CCDC171: variants seen among roughly 807,000 people sequenced by gnomAD.
CCDC171 encodes the protein coiled-coil domain containing 171, also known as coiled-coil domain-containing protein 171.
A neutral mutation model predicts 168.2 loss-of-function variants in CCDC171; 177 were observed. The ratio of observed to expected loss-of-function variants is 1.05; its 90% CI spans 0.93 to 1.19. The LOEUF (loss-of-function observed/expected upper bound fraction) is 1.19, where lower values mean the gene tolerates loss of function less well. Among genes scored for constraint, CCDC171 ranks in the 50% most tolerant of loss-of-function variants. CCDC171 has a pLI of 0.00. For synonymous variants in CCDC171, 687 were observed against 540.8 expected (o/e 1.27, Z -3.75); for missense variants, 1,991 against 1,539.0 (o/e 1.29, Z -4.91).
chr9:16,045,026 T>C (rs866798501), intron 1 of CCDC171, among the ~76,000 whole-genome samples: 2 of 152,216 alleles, frequency 1.3e-5, no homozygotes, highest in South Asian at 2.1e-4. Flanking sequence ...CTTATATTCA[T>C]TGGGACTTGT....
intron 25 of CCDC171, chr9:15,922,145 C>T (rs1421580125): frequency 5.1e-6 from 2 of 394,230 alleles, no homozygotes; most frequent in South Asian, 3.9e-5. Context: ...AGAGATGGTT[C>T]ACCCTGTAGT....
intron 18 of CCDC171, among the ~76,000 whole-genome samples, chr9:15,759,297 A>G (rs2056316485): frequency 6.6e-6 from 1 of 152,184 alleles, no homozygotes; most frequent in Non-Finnish European, 1.5e-5. Flanking sequence ...GAGCAGGTTG[A>G]TAGTATGATG....
chr9:15,842,825 A>T (rs1213134615), intron 21 of CCDC171, among the ~76,000 whole-genome samples: 1 of 151,920 alleles, frequency 6.6e-6, no homozygotes, highest in Non-Finnish European at 1.5e-5. Flanking sequence ...TAAACGTTTG[A>T]AGCTTTAGAA....
At chr9:15,862,013 T>A (rs1307978262) in intron 23 of CCDC171, among the ~76,000 whole-genome samples, 3 of 151,684 alleles carry the variant, frequency 2.0e-5, no homozygotes, top group Non-Finnish European at 2.9e-5. Flanking sequence ...TATAGTGTTC[T>A]TAGATAGCAT....
At chr9:15,579,068 A>T (rs1390323514) in intron 4 of CCDC171, 45 bp downstream of exon 4, 2 of 1,471,906 alleles carry the variant, frequency 1.4e-6, no homozygotes, top group African/African-American at 1.4e-5. Context: ...TTGTAACCTG[A>T]TTGTATATCA....
chr9:15,860,717 C>A (rs912974449), intron 23 of CCDC171, among the ~76,000 whole-genome samples: 1 of 151,964 alleles, frequency 6.6e-6, no homozygotes, highest in South Asian at 2.1e-4. Flanking sequence ...GAGAACAATG[C>A]GTGTTCTGCT....
intron 24 of CCDC171, among the ~76,000 whole-genome samples, chr9:15,894,838 C>G (rs1358207310): frequency 4.6e-5 from 7 of 152,026 alleles, no homozygotes; most frequent in Non-Finnish European, 7.4e-5. Context: ...TTTTATAGCC[C>G]TGACGTAATA....
chr9:15,809,496 G>A (rs2059234621), intron 21 of CCDC171, among the ~76,000 whole-genome samples: 1 of 152,126 alleles, frequency 6.6e-6, no homozygotes, highest in Admixed American at 6.5e-5. Context: ...TCCTTCTGAT[G>A]TTTGGACGTG....
chr9:15,640,642 A>G (rs974655023), intron 7 of CCDC171, among the ~76,000 whole-genome samples: 1 of 152,148 alleles, frequency 6.6e-6, no homozygotes, highest in African/African-American at 2.4e-5. Flanking sequence ...TTAAAAAGCC[A>G]ACATTGAAGG....
intron 11 of CCDC171, among the ~76,000 whole-genome samples, chr9:15,709,302 G>C (rs993716542): frequency 1.3e-5 from 2 of 152,174 alleles, no homozygotes; most frequent in African/African-American, 4.8e-5. Flanking sequence ...GATTAAAATT[G>C]TGAGTAGCTA....
chr9:15,635,836 C>T (rs2046161801), intron 7 of CCDC171, among the ~76,000 whole-genome samples: 2 of 152,120 alleles, frequency 1.3e-5, no homozygotes, highest in Non-Finnish European at 1.5e-5. Context: ...CACATGGTAA[C>T]TATATGGTTA....
intron 6 of CCDC171, among the ~76,000 whole-genome samples, chr9:15,618,391 G>T (rs1451088973): frequency 6.6e-6 from 1 of 152,122 alleles, no homozygotes; most frequent in Non-Finnish European, 1.5e-5. Flanking sequence ...ATCATCCCAG[G>T]TCGACTCCAG....
At chr9:15,840,028 A>G (rs983203683) in intron 21 of CCDC171, among the ~76,000 whole-genome samples, 1 of 152,158 alleles carries the variant, frequency 6.6e-6, no homozygotes, top group Non-Finnish European at 1.5e-5. Flanking sequence ...TACTTTTATT[A>G]AAAGTAGTTA....
Position 15,954,146 on chromosome 9 carries a change from A to G in CCDC171, c.3754-17463A>G, listed in dbSNP as rs1027132453. ...TTGGTTTCATTGATTTCCTCTACTT[A>G]CTTTCTTTTTTTTTTTTTAGTCTTT... On this transcript the variant is annotated intron_variant, in intron 25 of 25. Coordinates refer to ENST00000380701, the MANE Select transcript of CCDC171 (RefSeq NM_173550.4). Among the ~76,000 whole-genome samples the G allele has an allele frequency of 2.3e-5, 3 of 129,292 alleles. No individual in the cohort carries two copies. In the Admixed American group the frequency reaches 2.4e-4, roughly 10 times the overall value. 84.8% of individuals were successfully genotyped at this position (129,292 alleles called of 152,430 possible).
chr9:15,614,566 G>C (rs1330107998), intron 6 of CCDC171, among the ~76,000 whole-genome samples: 2 of 152,128 alleles, frequency 1.3e-5, no homozygotes, highest in African/African-American at 4.8e-5. Context: ...CTTTTACGAA[G>C]GAAAGGATTT....
At chr9:15,568,846 A>G (rs1013017979) in intron 2 of CCDC171, among the ~76,000 whole-genome samples, 2 of 151,848 alleles carry the variant, frequency 1.3e-5, no homozygotes, top group African/African-American at 4.8e-5. Context: ...CCCATTCTCT[A>G]GGCTGTTTAA....
At chr9:15,628,139 C>T (rs1587543954) in intron 7 of CCDC171, among the ~76,000 whole-genome samples, 1 of 152,244 alleles carries the variant, frequency 6.6e-6, no homozygotes, top group Middle Eastern at 3.4e-3. Flanking sequence ...ATCTGAGGTA[C>T]TGGGTTCATC....
intron 3 of CCDC171, among the ~76,000 whole-genome samples, chr9:15,984,621 T>C (rs1236120481): frequency 6.6e-6 from 1 of 152,154 alleles, no homozygotes; most frequent in Non-Finnish European, 1.5e-5. Flanking sequence ...GTAAATAAAT[T>C]GTCCAATAAA....
intron 11 of CCDC171, among the ~76,000 whole-genome samples, chr9:15,700,394 C>G (rs767744716): frequency 3.3e-5 from 5 of 152,202 alleles, no homozygotes; most frequent in Non-Finnish European, 7.3e-5. Context: ...AAGCGCTGCG[C>G]GCAGCCCCGG....
Sources: gnomAD v4.1 joint callset for allele counts (sites outside exome capture counted in the v4.1 genomes callset) on GRCh38, gnomAD v4.1.1 for gene constraint, MANE v1.5 for transcripts, NCBI Gene and HGNC (gene_info 2026-07-23, HGNC 2026-07-21) for gene names.